The following FBXL20 variants were observed in gnomAD, a reference collection of about 807,000 sequenced individuals.
The protein encoded by FBXL20 is F-box/LRR-repeat protein 20.
Under a neutral mutation model 64.0 loss-of-function variants are expected in FBXL20, and 11 were observed. The ratio of observed to expected loss-of-function variants is 0.17; its 90% CI spans 0.11 to 0.28. FBXL20 has a LOEUF of 0.28. FBXL20 is among the 10% of genes least tolerant of loss of function. FBXL20 has a pLI of 1.00. For synonymous variants in FBXL20, 184 were observed against 189.0 expected, an observed-to-expected ratio of 0.97 and a Z score of 0.22; for missense variants, 303 against 526.2, an observed-to-expected ratio of 0.58 and a Z score of 4.15.
chr17:39,352,688 A>AC lies in FBXL20; in HGVS notation c.43-9448_43-9447insG, dbSNP rs1354160091. 7.2e-5 allele frequency among the ~76,000 whole-genome samples: 11 copies of AC among 151,738 alleles called. No individual in the cohort carries two copies. In the Middle Eastern group the frequency reaches 0.01, roughly 141 times the overall value. On this transcript the variant is annotated intron_variant, in intron 1 of 14. Coordinates refer to ENST00000264658, the MANE Select transcript of FBXL20 (RefSeq NM_032875.3). ...AGAGTGAAGCTCTGTCTGGGAAAAA[A>AC]AAAAAAAAAGAAAAGAAGAAAAAAA...
At chr17:39,378,759 A>G (rs1348200672) in intron 1 of FBXL20, among the ~76,000 whole-genome samples, 3 of 151,126 alleles carry the variant, frequency 2.0e-5, no homozygotes, top group African/African-American at 7.3e-5. Flanking sequence ...ACAGGCGCCC[A>G]CCACCACGCC....
intron 2 of FBXL20, among the ~76,000 whole-genome samples, chr17:39,326,325 T>C (rs1197981190): frequency 6.6e-6 from 1 of 151,994 alleles, no homozygotes; most frequent in Non-Finnish European, 1.5e-5. Context: ...CAAACTATAT[T>C]CTAAATGAAT....
intron 2 of FBXL20, among the ~76,000 whole-genome samples, chr17:39,310,844 GC>G (rs1267366632): frequency 2.0e-5 from 3 of 152,094 alleles, no homozygotes; most frequent in African/African-American, 7.2e-5. Flanking sequence ...AATTAGTCAG[GC>G]ATGGTGGCAC....
chr17:39,381,140 G>GT (rs554956918), intron 1 of FBXL20, among the ~76,000 whole-genome samples: 1 of 147,222 alleles, frequency 6.8e-6, no homozygotes, highest in Middle Eastern at 3.7e-3. Flanking sequence ...AGCCTGGGCA[G>GT]TAAGAGTGAA....
At chr17:39,372,053 G>A (rs2047923270) in intron 1 of FBXL20, among the ~76,000 whole-genome samples, 1 of 152,104 alleles carries the variant, frequency 6.6e-6, no homozygotes, top group Non-Finnish European at 1.5e-5. Context: ...GTAGTCTCCT[G>A]AAGCACTTGG....
At chr17:39,338,304 C>G (rs1264936590) in intron 2 of FBXL20, among the ~76,000 whole-genome samples, 4 of 152,150 alleles carry the variant, frequency 2.6e-5, no homozygotes, top group Non-Finnish European at 5.9e-5. Flanking sequence ...AAGGGTGGTG[C>G]AAGATGTTTT....
chr17:39,322,698 C>T (rs1284114099), intron 2 of FBXL20, among the ~76,000 whole-genome samples: 1 of 152,000 alleles, frequency 6.6e-6, no homozygotes, highest in African/African-American at 2.4e-5. Flanking sequence ...GAACACATAT[C>T]TATAATGAGT....
chr17:39,397,996 G>T (rs962422932), intron 1 of FBXL20, among the ~76,000 whole-genome samples: 1 of 147,266 alleles, frequency 6.8e-6, no homozygotes, highest in Non-Finnish European at 1.5e-5. Context: ...AGCCGGGTGC[G>T]GTGGCTCACG....
intron 2 of FBXL20, among the ~76,000 whole-genome samples, chr17:39,335,582 CAA>C (rs36023380): frequency 0.012 from 910 of 77,328 alleles, 4 homozygotes; most frequent in African/African-American, 0.04. Context: ...GACTCCGTCT[CAA>C]AAAAAAAAAA....
chr17:39,273,821 G>GAAAAAAAAAAAAAAAAAAAAAAA (rs56218843), intron 10 of FBXL20, among the ~76,000 whole-genome samples: 1 of 134,740 alleles, frequency 7.4e-6, no homozygotes. Flanking sequence ...CTCTGTTTCA[G>GAAAAAAAAAAAAAAAAAAAAAAA]AAAAAAAAAA....
intron 7 of FBXL20, among the ~76,000 whole-genome samples, chr17:39,284,883 A>G (rs1202793259): frequency 1.3e-5 from 2 of 152,156 alleles, no homozygotes; most frequent in Non-Finnish European, 2.9e-5. Flanking sequence ...CTGGTTAATA[A>G]TCTGGCTCCA....
intron 1 of FBXL20, among the ~76,000 whole-genome samples, chr17:39,359,841 G>A (rs974450789): frequency 6.6e-6 from 1 of 152,012 alleles, no homozygotes; most frequent in Non-Finnish European, 1.5e-5. Context: ...CTGAAAGCAG[G>A]TTCACAACAG....
chr17:39,327,801 T>A (rs577029687), intron 2 of FBXL20, among the ~76,000 whole-genome samples: 1 of 152,108 alleles, frequency 6.6e-6, no homozygotes, highest in African/African-American at 2.4e-5. Context: ...CCCGGGTTCA[T>A]GCCATTCTCC....
At chr17:39,390,077 C>G (rs971192388) in intron 1 of FBXL20, among the ~76,000 whole-genome samples, 22 of 152,046 alleles carry the variant, frequency 1.4e-4, no homozygotes, top group African/African-American at 5.3e-4. Flanking sequence ...GACTGAAACA[C>G]TACTAAATTA....
intron 6 of FBXL20, among the ~76,000 whole-genome samples, chr17:39,293,610 G>C (rs2144422350): frequency 6.6e-6 from 1 of 152,260 alleles, no homozygotes; most frequent in East Asian, 1.9e-4. Flanking sequence ...AATCTTTCTG[G>C]AGTCTTTATT....
intron 12 of FBXL20, among the ~76,000 whole-genome samples, chr17:39,265,960 T>A (rs2046787673): frequency 6.6e-6 from 1 of 151,994 alleles, no homozygotes; most frequent in East Asian, 1.9e-4. Flanking sequence ...TTACCCAGAC[T>A]GGTCTTCAAC....
At chr17:39,293,826 CTTTA>C (rs2047061681) in intron 6 of FBXL20, among the ~76,000 whole-genome samples, 1 of 128,272 alleles carries the variant, frequency 7.8e-6, no homozygotes, top group Non-Finnish European at 1.6e-5. Flanking sequence ...TTTCTGTAGC[CTTTA>C]TTTTTTTTTT....
At chr17:39,387,899 G>C (rs898078145) in intron 1 of FBXL20, among the ~76,000 whole-genome samples, 1 of 151,904 alleles carries the variant, frequency 6.6e-6, no homozygotes, top group South Asian at 2.1e-4. Context: ...TCCAACTTAC[G>C]ATACTTTCAA....
intron 1 of FBXL20, among the ~76,000 whole-genome samples, chr17:39,372,416 G>A (rs1282685955): frequency 1.3e-5 from 2 of 149,240 alleles, no homozygotes; most frequent in East Asian, 4.1e-4. Context: ...CTACTTGGGA[G>A]GCTGAGGCAG....
Sources: gnomAD v4.1 joint callset for allele counts (sites outside exome capture counted in the v4.1 genomes callset) on GRCh38, gnomAD v4.1.1 for gene constraint, MANE v1.5 for transcripts, NCBI Gene and HGNC (gene_info 2026-07-23, HGNC 2026-07-21) for gene names.